ATG7: variants seen among roughly 807,000 people sequenced by gnomAD.
ATG7 encodes the protein autophagy related 7, also known as ubiquitin-like modifier-activating enzyme ATG7.
In ATG7, 70 loss-of-function variants were observed where a neutral mutation model predicts 82.4. The observed-to-expected ratio is 0.85, with a 90% CI of 0.70 to 1.04. The LOEUF is 1.04. Among genes scored for constraint, ATG7 ranks in the 50% least tolerant of loss-of-function variants. The pLI, the probability that ATG7 is intolerant of heterozygous loss-of-function variation, is 0.00. For missense variants in ATG7, 792 were observed against 864.3 expected (o/e 0.92, Z 1.05); for synonymous variants, 287 against 313.0 (o/e 0.92, Z 0.88).
rs2076384279 is a variant in ATG7 at position 11,363,116 on chromosome 3, G to C, written c.1799+188G>C. 8.9e-6 allele frequency: 5 copies of C among 562,600 alleles called. No homozygotes were observed. In the South Asian group the frequency reaches 1.0e-4, roughly 12 times the overall value. 34.9% of individuals were successfully genotyped at this position (562,600 alleles called of 1,614,324 possible). A position where few individuals can be genotyped will look rare whatever the true frequency, so the allele number is the denominator to read the frequency against. The stretch of plus-strand genomic sequence containing the variant: ...AGATAACTTGGCATGTTTCCTTTGT[G>C]GCCACATTTCTGCATCTTTCCGGAC... On this transcript the variant is annotated intron_variant, in intron 17 of 20. Transcript: ENST00000693202.
intron 20 of ATG7, chr3:11,446,512 T>G (rs1234582923): frequency 2.2e-6 from 1 of 448,002 alleles, no homozygotes; most frequent in Non-Finnish European, 4.5e-6. Context: ...CTTTTAGCAC[T>G]AAGAAGATTT....
At chr3:11,514,472 G>T (rs2092200207) in intron 20 of ATG7, among the ~76,000 whole-genome samples, 1 of 152,240 alleles carries the variant, frequency 6.6e-6, no homozygotes. Flanking sequence ...GGGAGAGGGA[G>T]ACATGAGATG....
At chr3:11,547,603 T>C (rs2071405079) in intron 20 of ATG7, among the ~76,000 whole-genome samples, 1 of 152,226 alleles carries the variant, frequency 6.6e-6, no homozygotes, top group African/African-American at 2.4e-5. Flanking sequence ...AGCTGTTTTT[T>C]ATGAGGTGGC....
intron 20 of ATG7, among the ~76,000 whole-genome samples, chr3:11,462,602 C>T (rs187943443): frequency 6.6e-6 from 1 of 152,202 alleles, no homozygotes; most frequent in Admixed American, 6.5e-5. Flanking sequence ...ATGATGAAAG[C>T]AGAGGAATTT....
the ATG7 span, among the ~76,000 whole-genome samples, chr3:11,565,524 A>C: frequency 6.6e-6 from 1 of 152,168 alleles, no homozygotes; most frequent in Non-Finnish European, 1.5e-5. The surrounding 1 kb of genome is among the most constrained non-coding windows in gnomAD (Gnocchi z 4.1). Context: ...CAATGCTGCC[A>C]CCATCCCCTT....
At chr3:11,559,918 A>G (rs1575346134), downstream of ATG7, among the ~76,000 whole-genome samples, 2 of 152,290 alleles carry the variant, frequency 1.3e-5, no homozygotes, top group South Asian at 2.1e-4. Flanking sequence ...TGCTTGAGCC[A>G]AAGCCAGCTC....
chr3:11,301,551 A>G (rs375433048), intron 5 of ATG7, among the ~76,000 whole-genome samples: 1 of 152,162 alleles, frequency 6.6e-6, no homozygotes, highest in Non-Finnish European at 1.5e-5. Context: ...TAGTATTTGT[A>G]TCTTTAAAAA....
rs142567626 is a variant in ATG7 at position 11,555,654 on chromosome 3, C to T, written c.*811C>T. On this transcript the variant is annotated 3_prime_UTR_variant, in exon 21 of 21. Transcript: ENST00000693202. ...GCCGAGCCTGGGCTGCCTTCCTGCCCCAGCCGAGGGAGGGGTCAGACGGCT... is the reference window on the plus strand; with the variant it reads ...GCCGAGCCTGGGCTGCCTTCCTGCCTCAGCCGAGGGAGGGGTCAGACGGCT... 316 of 152,372 alleles carry T rather than the reference C, an allele frequency of 2.1e-3. 1 individual carries two copies. Among genetic ancestry groups the T allele is most frequent in the Non-Finnish European group, 3.9e-3 (265 of 68,120 alleles). The allele number at this position is 152,372 out of a possible 1,614,324, so 9.4% of individuals were successfully genotyped here.
chr3:11,511,841 G>T (rs1002421396), intron 20 of ATG7, among the ~76,000 whole-genome samples: 5 of 152,188 alleles, frequency 3.3e-5, no homozygotes, highest in African/African-American at 1.2e-4. Context: ...TGGCCCAGGT[G>T]CTAAGTCCCC....
chr3:11,407,815 G>T (rs1000968281), intron 19 of ATG7, among the ~76,000 whole-genome samples: 4 of 152,184 alleles, frequency 2.6e-5, no homozygotes, highest in African/African-American at 9.7e-5. Context: ...TCCTTAGGCT[G>T]TACACAGCAC....
In ATG7 at chr3:11,372,904, T is replaced by G. The variant is rs561480057; in HGVS notation, c.1876-7068T>G. On this transcript the variant is annotated intron_variant, in intron 18 of 20. Coordinates refer to ENST00000693202, the MANE Select transcript of ATG7 (RefSeq NM_001349232.2). ...TTCCCCTTGTGGGGAGAGGGGAGAA[T>G]GAGAAAACAATATTCAGGTGAGGCT... Among the ~76,000 whole-genome samples the G allele has an allele frequency of 1.3e-4, 19 of 150,966 alleles. 1 individual carries two copies. In the South Asian group the frequency reaches 3.8e-3, roughly 30 times the overall value.
chr3:11,495,456 A>ACC (rs35226130), intron 20 of ATG7, among the ~76,000 whole-genome samples: 1 of 151,812 alleles, frequency 6.6e-6, no homozygotes, highest in Non-Finnish European at 1.5e-5. Flanking sequence ...GCTGGCAGAG[A>ACC]CCCCCAGACA....
chr3:11,433,289 TA>T (rs56859088), intron 20 of ATG7, among the ~76,000 whole-genome samples: 5,826 of 83,792 alleles, frequency 0.07, 263 homozygotes, highest in African/African-American at 0.13. Flanking sequence ...GTCTCTTATT[TA>T]AAAAAAAAAA....
intron 9 of ATG7, among the ~76,000 whole-genome samples, chr3:11,325,593 C>G (rs1950763608): frequency 6.6e-6 from 1 of 152,130 alleles, no homozygotes. Context: ...ATTGCTTGAA[C>G]CCAGGAGGTG....
chr3:11,536,859 C>G (rs776390575), intron 20 of ATG7, among the ~76,000 whole-genome samples: 2 of 152,254 alleles, frequency 1.3e-5, no homozygotes, highest in Admixed American at 6.5e-5. Context: ...TAATGTTGTG[C>G]AAGATCATGT....
intron 20 of ATG7, among the ~76,000 whole-genome samples, chr3:11,504,240 A>G (rs2091552115): frequency 2.0e-5 from 3 of 152,240 alleles, no homozygotes; most frequent in Non-Finnish European, 4.4e-5. Context: ...AAATCAATGC[A>G]ACAATGCTTT....
At chr3:11,424,502 T>C (rs1296912272) in intron 19 of ATG7, among the ~76,000 whole-genome samples, 3 of 151,650 alleles carry the variant, frequency 2.0e-5, no homozygotes, top group African/African-American at 7.3e-5. Flanking sequence ...AAACACTGAT[T>C]GCAGCAACAA....
chr3:11,549,695 G>A (rs1229746858), intron 20 of ATG7, among the ~76,000 whole-genome samples: 1 of 152,122 alleles, frequency 6.6e-6, no homozygotes, highest in Non-Finnish European at 1.5e-5. Flanking sequence ...AGACTGCTGC[G>A]GACATTCTGG....
chr3:11,568,943 C>A, the ATG7 span: 3 of 1,217,466 alleles, frequency 2.5e-6, no homozygotes, highest in Non-Finnish European at 3.1e-6. This position sits in a 1 kb window ranked among gnomAD's most constrained non-coding sequence, Gnocchi z 5.9. Flanking sequence ...CAGCTGCCCA[C>A]GGAGAGAAAG....
Sources: allele counts gnomAD v4.1 joint callset (sites outside exome capture counted in the v4.1 genomes callset), GRCh38; gene constraint gnomAD v4.1.1; non-coding constraint Gnocchi (gnomAD v3.1); transcripts MANE v1.5; gene names NCBI Gene and HGNC (gene_info 2026-07-23, HGNC 2026-07-21).